The following CCDC188 variants were observed in gnomAD, a reference collection of about 807,000 sequenced individuals.
The protein encoded by CCDC188 is coiled-coil domain containing 188.
A neutral mutation model predicts 50.7 loss-of-function variants in CCDC188; 37 were observed. That is an observed-to-expected ratio of 0.73 (90% CI 0.56 to 0.96). CCDC188 has a LOEUF of 0.96. Ranked by LOEUF, CCDC188 falls within the 40% of genes least tolerant of loss-of-function variation. The pLI is 0.00. For missense variants in CCDC188, 453 were observed against 512.9 expected (o/e 0.88, Z 1.13); for synonymous variants, 208 against 228.0 (o/e 0.91, Z 0.79).
At chr22:20,149,140 G>A (rs1287693984) in intron 7 of CCDC188, 47 bp downstream of exon 7, 3 of 1,389,016 alleles carry the variant, frequency 2.2e-6, no homozygotes, top group African/African-American at 1.5e-5. Flanking sequence ...CAGGGCCCTG[G>A]GTGGGGGGCT....
Position 20,148,879 on chromosome 22 carries a change from G to T in CCDC188, c.1018C>A (p.Leu340Ile). ...CTCTGCCGTGCAGTCACCTACCAGA[G>T]CTGGCCTGCCAGGCCCTTGGAGCTT... ...LGSSKGLAGQ[L>I]WLLTLRLLLG... Residue 340 changes from leucine (L) to isoleucine (I), a missense_variant, in exon 8 of 9, where the codon CTC becomes ATC. Physicochemically the swap from Leu to Ile is conservative, Grantham distance 5 (BLOSUM62 2). Transcript: ENST00000439765. 1 of 1,510,600 alleles carries T rather than the reference G, an allele frequency of 6.6e-7. No individual in the cohort carries two copies. The highest frequency in any genetic ancestry group is 8.9e-7 in the Non-Finnish European group (1 of 1,126,922). 93.6% of individuals were successfully genotyped at this position (1,510,600 alleles called of 1,614,324 possible). A position where few individuals can be genotyped will look rare whatever the true frequency, so the allele number is the denominator to read the frequency against.
rs777934337 is a variant in CCDC188, at chr22:20,150,558, C to A, written c.429G>T (p.Ser143=). Residue 143 remains serine, a synonymous_variant, in exon 1 of 9, where the codon TCG becomes TCT. Transcript: ENST00000439765. ...GAAGCTGGGACAGGGCTACCCTGGG[C>A]GAGGCCAGGGCCCCTCCCTCCCGTG... The part of the protein sequence containing the change: ...PLSREGGALA[S]PRVALSQLQC... 1 of 1,548,284 alleles carries A rather than the reference C, an allele frequency of 6.5e-7. No individual in the cohort carries two copies.
At position 20,148,795 on chromosome 22, in the gene CCDC188, AGCAGCCT is replaced by A; in HGVS notation, c.1023-2_1027del. 1 of 1,467,486 alleles carries A rather than the reference AGCAGCCT, an allele frequency of 6.8e-7. No homozygotes were observed. The highest frequency in any genetic ancestry group is 9.1e-7 in the Non-Finnish European group (1 of 1,103,154). The allele number at this position is 1,467,486 out of a possible 1,614,324, so 90.9% of individuals were successfully genotyped here. On this transcript the variant is annotated splice_acceptor_variant and coding_sequence_variant, in exon 9 of 9. Coordinates refer to ENST00000439765, the MANE Select transcript of CCDC188 (RefSeq NM_001365892.2). LOFTEE classifies it high-confidence loss of function. ...GGCGCCCAGCAGCAGCCTCAGGGTC[AGCAGCCT>A]GCGGGCGGCGGTGGTCAGGGGCAGG...
At chr22:20,149,056 T>C (rs2050568141) in intron 7 of CCDC188, 131 bp downstream of exon 7, 6 of 1,271,046 alleles carry the variant, frequency 4.7e-6, no homozygotes, top group Non-Finnish European at 6.4e-6. Flanking sequence ...CTGGACAGGC[T>C]CCTGCAGCCA....
Position 20,150,644 on chromosome 22 carries a change from C to A in CCDC188, c.343G>T (p.Ala115Ser). The A allele has an allele frequency of 6.5e-7, 1 of 1,543,260 alleles. No individual in the cohort carries two copies. Among genetic ancestry groups the A allele is most frequent in the Non-Finnish European group, 8.8e-7 (1 of 1,141,756 alleles). The change falls in exon 1 of 9, where the codon GCT (alanine) becomes TCT (serine). Residue 115 changes from alanine (A) to serine (S), a missense_variant. By Grantham distance (99) the Ala-to-Ser change is moderately conservative. Transcript: ENST00000439765. ...CCAATGGATCCCCCCTGCCTGGGAG[C>A]CCCCTGGTTCGACCCTGGGTGCAGG... Reference protein sequence around the residue: ...WPLHPGSNQGAPRQGGSIGSG... With the variant: ...WPLHPGSNQGSPRQGGSIGSG...
rs1323849282 is a variant in CCDC188, at chr22:20,150,846, G to C, written c.141C>G (p.Ser47=). Residue 47 remains serine (S), a synonymous_variant, in exon 1 of 9, where the codon TCC becomes TCG. Transcript: ENST00000439765. ...TCTGGGACTGCACTGAGTGAGCAGAGGAGATGGGGCCCAGGCAGGGCCACC... is the reference window on the plus strand; with the variant it reads ...TCTGGGACTGCACTGAGTGAGCAGACGAGATGGGGCCCAGGCAGGGCCACC... The part of the protein sequence containing the change: ...FVGWPCLGPI[S]SAHSVQSQRP... 7 of 1,527,788 alleles carry C rather than the reference G, an allele frequency of 4.6e-6. No homozygotes were observed. The highest frequency in any genetic ancestry group is 6.2e-6 in the Non-Finnish European group (7 of 1,130,866). 94.6% of individuals were successfully genotyped at this position (1,527,788 alleles called of 1,614,324 possible). A position where few individuals can be genotyped will look rare whatever the true frequency, so the allele number is the denominator to read the frequency against.
rs1225455651 is a variant in CCDC188 at position 20,150,583 on chromosome 22, G to A, written c.404C>T (p.Ser135Leu). The A allele has an allele frequency of 2.6e-6, 4 of 1,546,736 alleles. No homozygotes were observed. Among genetic ancestry groups the A allele is most frequent in the Non-Finnish European group, 3.5e-6 (4 of 1,144,678 alleles). ...GTRPCPCPPL[S>L]REGGALASPR... The stretch of plus-strand genomic sequence containing the variant: ...CGAGGCCAGGGCCCCTCCCTCCCGT[G>A]ACAGGGGTGGGCATGGGCAGGGTCT... The change falls in exon 1 of 9, where the codon TCA becomes TTA. Residue 135 changes from serine to leucine, a missense_variant. Physicochemically the swap from Ser to Leu is moderately radical, Grantham distance 145 (BLOSUM62 -2). Coordinates refer to ENST00000439765, the MANE Select transcript of CCDC188 (RefSeq NM_001365892.2).
chr22:20,149,570 T>G lies in CCDC188; in HGVS notation c.849+11A>C. On this transcript the variant is annotated intron_variant, in intron 5 of 8. Coordinates refer to ENST00000439765, the MANE Select transcript of CCDC188 (RefSeq NM_001365892.2). ...CCCCGTCCTTCTGGGTGCTGCCCTG[T>G]GGGGACCTACCAGGAGCCCGGTGGC... 1 of 1,550,198 alleles carries G rather than the reference T, an allele frequency of 6.5e-7. No individual in the cohort carries two copies. Among genetic ancestry groups the G allele is most frequent in the Non-Finnish European group, 8.7e-7 (1 of 1,146,912 alleles).
chr22:20,148,840 G>C, intron 8 of CCDC188, 35 bp downstream of exon 8: 1 of 1,462,028 alleles, frequency 6.8e-7, no homozygotes, highest in African/African-American at 1.4e-5. Context: ...CGCGCGGGGG[G>C]CCTGGGGGCT....
chr22:20,149,249 G>C lies in CCDC188; in HGVS notation c.915-5C>G. ...GTGCGGCACTGGGCCCGCTCCCTGC[G>C]GGGGCCTCACTGTCAGGACCCCACA... On this transcript the variant is annotated splice_polypyrimidine_tract_variant and splice_region_variant and intron_variant, in intron 6 of 8. Transcript: ENST00000439765. The C allele has an allele frequency of 6.7e-7, 1 of 1,498,280 alleles. No individual in the cohort carries two copies. Among genetic ancestry groups the C allele is most frequent in the Non-Finnish European group, 8.9e-7 (1 of 1,121,142 alleles). 92.8% of individuals were successfully genotyped at this position (1,498,280 alleles called of 1,614,324 possible).
At position 20,150,001 on chromosome 22, in the gene CCDC188, C is replaced by T. The variant is rs779362021; in HGVS notation, c.686G>A (p.Arg229Gln). 3.9e-5 allele frequency: 61 copies of T among 1,548,376 alleles called. No homozygotes were observed. The African/African-American group carries it at 5.2e-4, about 13-fold the overall frequency. ...LGNRAPLQLL[R>Q]RELCQGQEAF... ...CTCTTGCCCCTGGCACAGCTCCCGC[C>T]GCAGCAGCTGCAGAGGTGCCCTGTT... The change falls in exon 3 of 9, where the codon CGG becomes CAG. Residue 229 changes from arginine (R) to glutamine (Q), a missense_variant. Transcript: ENST00000439765.
rs2050605489 is a variant in CCDC188, at chr22:20,150,451, G to GGGC, written c.519+16_519+17insGCC. On this transcript the variant is annotated intron_variant, in intron 1 of 8. Transcript: ENST00000439765. ...TGGGGCTGGGGCTGGGGCTGGGGCG[G>GGGC]TGGGTGGGGTGCTCACCAGGCTGTG... The GGGC allele has an allele frequency of 4.0e-6, 6 of 1,510,786 alleles. No homozygotes were observed. The highest frequency in any genetic ancestry group is 1.2e-5 in the South Asian group (1 of 82,140). The allele number at this position is 1,510,786 out of a possible 1,614,324, so 93.6% of individuals were successfully genotyped here. A position where few individuals can be genotyped will look rare whatever the true frequency, so the allele number is the denominator to read the frequency against.
chr22:20,150,362 G>A, intron 1 of CCDC188, 106 bp downstream of exon 1: 3 of 1,052,118 alleles, frequency 2.9e-6, no homozygotes, highest in Non-Finnish European at 4.1e-6. Flanking sequence ...TGGGGCAGGG[G>A]CAGGGGCAGG....
At position 20,149,281 on chromosome 22, in the gene CCDC188, A is replaced by AC. The variant is rs548968027; in HGVS notation, c.915-38dup. The stretch of plus-strand genomic sequence containing the variant: ...TCACTGTCAGGACCCCACACCCTCC[A>AC]CCCCCAGCCTGGCACCCACCCCCTG... On this transcript the variant is annotated intron_variant, in intron 6 of 8. Coordinates refer to ENST00000439765, the MANE Select transcript of CCDC188 (RefSeq NM_001365892.2). 11,673 of 1,525,108 alleles carry AC rather than the reference A, an allele frequency of 7.7e-3. 165 individuals are homozygous for AC. The highest frequency in any genetic ancestry group is 0.048 in the South Asian group (3,889 of 80,384). 94.5% of individuals were successfully genotyped at this position (1,525,108 alleles called of 1,614,324 possible).
rs1167487691 is a variant in CCDC188 at position 20,148,573 on chromosome 22, T to C, written c.*41A>G. On this transcript the variant is annotated 3_prime_UTR_variant, in exon 9 of 9. Coordinates refer to ENST00000439765, the MANE Select transcript of CCDC188 (RefSeq NM_001365892.2). ...GGCCACTGGGCATCCGGGGCAGTGC[T>C]GGTCGCCTGGCCTCCTTGCTGGGGC... 2.0e-6 allele frequency: 3 copies of C among 1,502,168 alleles called. No individual in the cohort carries two copies. Among genetic ancestry groups the C allele is most frequent in the Non-Finnish European group, 2.7e-6 (3 of 1,125,842 alleles). 93.1% of individuals were successfully genotyped at this position (1,502,168 alleles called of 1,614,324 possible). A position where few individuals can be genotyped will look rare whatever the true frequency, so the allele number is the denominator to read the frequency against.
Position 20,148,541 on chromosome 22 carries a change from C to A in CCDC188, c.*73G>T. 1 of 1,455,854 alleles carries A rather than the reference C, an allele frequency of 6.9e-7. No individual in the cohort carries two copies. The highest frequency in any genetic ancestry group is 9.0e-7 in the Non-Finnish European group (1 of 1,105,128). 90.2% of individuals were successfully genotyped at this position (1,455,854 alleles called of 1,614,324 possible). On this transcript the variant is annotated 3_prime_UTR_variant, in exon 9 of 9. Transcript: ENST00000439765. ...GCACAGTGGTGCCATGTGCAGGGGG[C>A]TGGCACGGCCACTGGGCATCCGGGG...
intron 5 of CCDC188, 30 bp downstream of exon 5, chr22:20,149,551 C>G (rs2087280895): frequency 6.5e-7 from 1 of 1,550,178 alleles, no homozygotes; most frequent in Admixed American, 2.0e-5. Flanking sequence ...CGGGCCCCGT[C>G]CTTCTGGGTG....
Position 20,149,238 on chromosome 22 carries a change from C to G in CCDC188, c.921G>C (p.Arg307=). The G allele has an allele frequency of 6.7e-7, 1 of 1,492,224 alleles. No individual in the cohort carries two copies. The highest frequency in any genetic ancestry group is 8.9e-7 in the Non-Finnish European group (1 of 1,118,098). 92.4% of individuals were successfully genotyped at this position (1,492,224 alleles called of 1,614,324 possible). A position where few individuals can be genotyped will look rare whatever the true frequency, so the allele number is the denominator to read the frequency against. The part of the protein sequence containing the change: ...EDIQLEILRE[R]AQCRTRARKE... ...TCCTGGCTCGAGTGCGGCACTGGGC[C>G]CGCTCCCTGCGGGGGCCTCACTGTC... The change falls in exon 7 of 9, where the codon CGG becomes CGC. Residue 307 remains arginine (R), a synonymous_variant. Transcript: ENST00000439765.
Position 20,149,242 on chromosome 22 carries a change from T to C in CCDC188, c.917A>G (p.Glu306Gly). Residue 306 changes from glutamate (E) to glycine (G), a missense_variant and splice_region_variant, in exon 7 of 9, where the codon GAG becomes GGG. Physicochemically the swap from Glu to Gly is moderately conservative, Grantham distance 98. Coordinates refer to ENST00000439765, the MANE Select transcript of CCDC188 (RefSeq NM_001365892.2). ...MEDIQLEILR[E>G]RAQCRTRARK... ...GGCTCGAGTGCGGCACTGGGCCCGC[T>C]CCCTGCGGGGGCCTCACTGTCAGGA... The C allele has an allele frequency of 1.3e-6, 2 of 1,493,828 alleles. No individual in the cohort carries two copies. The highest frequency in any genetic ancestry group is 1.8e-6 in the Non-Finnish European group (2 of 1,119,068). The allele number at this position is 1,493,828 out of a possible 1,614,324, so 92.5% of individuals were successfully genotyped here.
Sources: allele counts gnomAD v4.1 joint callset, GRCh38; gene constraint gnomAD v4.1.1; transcripts MANE v1.5; gene names NCBI Gene and HGNC (gene_info 2026-07-23, HGNC 2026-07-21).